ALDH3A2: variants seen among roughly 807,000 people sequenced by gnomAD.
The protein encoded by ALDH3A2 is aldehyde dehydrogenase 3 family member A2, also known as aldehyde dehydrogenase family 3 member A2.
ALDH3A2 carries 36 observed loss-of-function variants against 51.3 expected under a neutral mutation model. That is an observed-to-expected ratio of 0.70 (90% CI 0.54 to 0.93). The LOEUF (loss-of-function observed/expected upper bound fraction) is 0.93. ALDH3A2 is among the 40% of genes least tolerant of loss of function. The pLI is 0.00. For missense variants in ALDH3A2, 552 were observed against 603.1 expected (o/e 0.92, Z 0.89); for synonymous variants, 199 against 219.8 (o/e 0.91, Z 0.84).
At chr17:19,665,700 A>G (rs942319529) in intron 8 of ALDH3A2, among the ~76,000 whole-genome samples, 1 of 152,126 alleles carries the variant, frequency 6.6e-6, no homozygotes, top group Admixed American at 6.5e-5. Flanking sequence ...CCTCTCCCAC[A>G]TGTGAGATGA....
intron 8 of ALDH3A2, among the ~76,000 whole-genome samples, chr17:19,671,375 C>G (rs945571972): frequency 6.6e-6 from 1 of 152,220 alleles, no homozygotes; most frequent in Non-Finnish European, 1.5e-5. Context: ...CTTTCCCTCT[C>G]TGGAAATGAG....
chr17:19,657,009 G>T (rs1258919249), intron 4 of ALDH3A2, among the ~76,000 whole-genome samples: 1 of 152,148 alleles, frequency 6.6e-6, no homozygotes, highest in Non-Finnish European at 1.5e-5. Flanking sequence ...TTTTTTAACT[G>T]TGAATAACAT....
rs754226801 is a variant in ALDH3A2, at chr17:19,661,231, T to C, written c.903T>C (p.Ala301=). Residue 301 remains alanine, a synonymous_variant, in exon 6 of 10, where the codon GCT becomes GCC. Coordinates refer to ENST00000176643, the MANE Select transcript of ALDH3A2 (RefSeq NM_000382.3). ...GTTTGCTTGAAGGACAAAAGATAGC[T>C]TTTGGTGGGGAGACTGATGAGGCCA... ...ILSLLEGQKI[A]FGGETDEATR... is the part of the protein sequence containing the mutation. The C allele has an allele frequency of 7.4e-6, 12 of 1,614,020 alleles. No homozygotes were observed. The highest frequency in any genetic ancestry group is 1.0e-5 in the Non-Finnish European group (12 of 1,180,022).
In ALDH3A2 at chr17:19,649,123, A is replaced by G; in HGVS notation, c.152A>G (p.Lys51Arg). 3 of 1,569,704 alleles carry G rather than the reference A, an allele frequency of 1.9e-6. No individual in the cohort carries two copies. Among genetic ancestry groups the G allele is most frequent in the Non-Finnish European group, 1.7e-6 (2 of 1,157,216 alleles). Reference protein sequence around the residue: ...ILTAIAADLCKSEFNVYSQEV... With the variant: ...ILTAIAADLCRSEFNVYSQEV... ...ACGGCCATCGCCGCCGACCTGTGCA[A>G]GGTACGCACGCGTGCGGCGGGGTGT... The change falls in exon 1 of 10, where the codon AAG becomes AGG. Residue 51 changes from lysine to arginine, a missense_variant and splice_region_variant. Physicochemically the swap from Lys to Arg is conservative, Grantham distance 26 (BLOSUM62 2). Transcript: ENST00000176643.
intron 4 of ALDH3A2, 146 bp downstream of exon 4, chr17:19,656,720 A>G: frequency 1.2e-6 from 1 of 848,266 alleles, no homozygotes; most frequent in Non-Finnish European, 1.9e-6. Context: ...CAAGAGTAAC[A>G]GGAGTCTTTC....
intron 7 of ALDH3A2, among the ~76,000 whole-genome samples, chr17:19,664,656 G>T (rs2085010725): frequency 6.6e-6 from 1 of 152,182 alleles, no homozygotes; most frequent in South Asian, 2.1e-4. Context: ...CTGTGTTGGG[G>T]AGTACAACTC....
intron 8 of ALDH3A2, among the ~76,000 whole-genome samples, chr17:19,671,263 G>C (rs910126508): frequency 1.3e-5 from 2 of 152,260 alleles, no homozygotes; most frequent in Non-Finnish European, 2.9e-5. Flanking sequence ...ATGGTGGGAA[G>C]AGAGCACATA....
rs1453521913 is a variant in ALDH3A2 at position 19,668,658 on chromosome 17, C to T, written c.1208-3063C>T. Among the ~76,000 whole-genome samples, 3 of 78,050 alleles carry T rather than the reference C, an allele frequency of 3.8e-5. 1 individual carries two copies. The highest frequency in any genetic ancestry group is 8.1e-5 in the African/African-American group (2 of 24,654). 51.2% of individuals were successfully genotyped at this position (78,050 alleles called of 152,430 possible). ...ATCATCTGTAGGCTGGGTGCGGTTG[C>T]ACACACCTGTAATCCCAGCACTTGG... On this transcript the variant is annotated intron_variant, in intron 8 of 9. Transcript: ENST00000176643.
At position 19,652,628 on chromosome 17, in the gene ALDH3A2, A is replaced by G; in HGVS notation, c.467A>G (p.Asp156Gly). The G allele has an allele frequency of 6.2e-7, 1 of 1,611,466 alleles. No individual in the cohort carries two copies. The highest frequency in any genetic ancestry group is 8.5e-7 in the Non-Finnish European group (1 of 1,177,558). ...GCAAAGCTTCTCCCTCAGTATTTAG[A>G]CCAGGTAAGAATTTCTTGACTCATC... is the stretch of plus-strand genomic sequence containing the variant. ...ILAKLLPQYL[D>G]QDLYIVINGG... Residue 156 changes from aspartate (D) to glycine (G), a missense_variant, in exon 3 of 10, where the codon GAC becomes GGC. Physicochemically the swap from Asp to Gly is moderately conservative, Grantham distance 94 (BLOSUM62 -1). Coordinates refer to ENST00000176643, the MANE Select transcript of ALDH3A2 (RefSeq NM_000382.3).
chr17:19,649,919 G>C (rs77658814), intron 1 of ALDH3A2: 4 of 159,158 alleles, frequency 2.5e-5, no homozygotes, highest in South Asian at 1.6e-4. Context: ...TGCTTGTTTT[G>C]TTTTGCTTTT....
At chr17:19,665,377 G>A (rs1360866543) in intron 8 of ALDH3A2, among the ~76,000 whole-genome samples, 3 of 39,756 alleles carry the variant, frequency 7.5e-5, no homozygotes, top group Non-Finnish European at 1.2e-4. Flanking sequence ...ATCTCTCTTC[G>A]TGTGTGTGTG....
At chr17:19,673,402 A>G (rs900477309) in intron 9 of ALDH3A2, 14 of 1,204,450 alleles carry the variant, frequency 1.2e-5, no homozygotes, top group African/African-American at 1.6e-5. Context: ...TTTTTGCTAC[A>G]GTTGGAGGCT....
intron 6 of ALDH3A2, among the ~76,000 whole-genome samples, chr17:19,662,832 C>G (rs1036535124): frequency 1.3e-5 from 2 of 152,020 alleles, no homozygotes; most frequent in African/African-American, 4.8e-5. Flanking sequence ...ATGGAGAAAC[C>G]TCATCTCTAC....
At chr17:19,658,004 A>G (rs2084919781) in intron 5 of ALDH3A2, 142 bp downstream of exon 5, 2 of 714,468 alleles carry the variant, frequency 2.8e-6, no homozygotes, top group Non-Finnish European at 4.9e-6. Context: ...ATTGACTAAT[A>G]TGAAAATGCT....
intron 5 of ALDH3A2, among the ~76,000 whole-genome samples, chr17:19,658,336 G>T (rs892787537): frequency 2.0e-5 from 3 of 152,136 alleles, no homozygotes; most frequent in Admixed American, 6.5e-5. Flanking sequence ...ATCTTTCAGC[G>T]TGTTTAAAGT....
intron 8 of ALDH3A2, among the ~76,000 whole-genome samples, chr17:19,669,771 A>G (rs1597571066): frequency 6.6e-6 from 1 of 152,058 alleles, no homozygotes; most frequent in South Asian, 2.1e-4. Context: ...AATAGCTGGG[A>G]TTACAAGGGT....
At chr17:19,655,919 T>G (rs2084888482) in intron 3 of ALDH3A2, among the ~76,000 whole-genome samples, 1 of 152,256 alleles carries the variant, frequency 6.6e-6, no homozygotes. Context: ...TCTCAGCTAC[T>G]GTGCCGGATA....
chr17:19,673,035 C>T, intron 9 of ALDH3A2: 1 of 1,366,118 alleles, frequency 7.3e-7, no homozygotes, highest in South Asian at 1.2e-5. Flanking sequence ...AGCGAGACTC[C>T]ATCTCAACAA....
rs1382206317 is a variant in ALDH3A2, at chr17:19,653,772, G to A, written c.471+1140G>A. 5.9e-5 allele frequency among the ~76,000 whole-genome samples: 9 copies of A among 152,188 alleles called. No homozygotes were observed. In the South Asian group the frequency reaches 1.0e-3, roughly 17 times the overall value. Reference sequence around the variant, plus strand: ...GCTTCCACAGTGTCAAAGGGGACCCGAGCAGGTTGCCGCTGCTGGCTTGGG... The same window carrying A: ...GCTTCCACAGTGTCAAAGGGGACCCAAGCAGGTTGCCGCTGCTGGCTTGGG... On this transcript the variant is annotated intron_variant, in intron 3 of 9. Coordinates refer to ENST00000176643, the MANE Select transcript of ALDH3A2 (RefSeq NM_000382.3).
Sources: allele counts gnomAD v4.1 joint callset (sites outside exome capture counted in the v4.1 genomes callset), GRCh38; gene constraint gnomAD v4.1.1; transcripts MANE v1.5; gene names NCBI Gene and HGNC (gene_info 2026-07-23, HGNC 2026-07-21).